ZDHHC15: variants seen among roughly 807,000 people sequenced by gnomAD.
ZDHHC15 encodes zDHHC palmitoyltransferase 15, also known as palmitoyltransferase ZDHHC15.
A neutral mutation model predicts 31.7 loss-of-function variants in ZDHHC15; 19 were observed. The observed-to-expected ratio is 0.60, with a 90% confidence interval of 0.42 to 0.88. The LOEUF (loss-of-function observed/expected upper bound fraction) is 0.88, where lower values mean the gene tolerates loss of function less well. Among genes scored for constraint, ZDHHC15 ranks in the 40% least tolerant of loss-of-function variants. ZDHHC15 has a pLI of 0.00. For missense variants in ZDHHC15, 209 were observed against 251.2 expected, an observed-to-expected ratio of 0.83 and a Z score of 1.14; for synonymous variants, 103 against 90.0, an observed-to-expected ratio of 1.14 and a Z score of -0.82.
Position 75,421,970 on chromosome X carries a change from A to T in ZDHHC15, c.757T>A (p.Phe253Ile). The change falls in exon 9 of 12, where the codon TTT (phenylalanine) becomes ATT (isoleucine). Residue 253 changes from phenylalanine to isoleucine, a missense_variant. Phe to Ile is a conservative substitution (Grantham distance 21). Transcript: ENST00000373367. ...TTLEAFCTPVFTSGPEKNGFN... is the reference protein window; with the variant it reads ...TTLEAFCTPVITSGPEKNGFN... ...CCATTTTTCTCTGGGCCACTTGTAAACACTGGAGTGCAGAAGGCCTCTAAG... is the reference window on the plus strand; with the variant it reads ...CCATTTTTCTCTGGGCCACTTGTAATCACTGGAGTGCAGAAGGCCTCTAAG... 1 of 1,209,468 alleles carries T rather than the reference A, an allele frequency of 8.3e-7. No homozygotes were observed. The highest frequency in any genetic ancestry group is 1.1e-6 in the Non-Finnish European group (1 of 894,336).
intron 4 of ZDHHC15, 77 bp downstream of exon 4, chrX:75,450,725 G>T (rs1439715656): frequency 8.3e-7 from 1 of 1,208,032 alleles, no homozygotes. Context: ...AAAAGGGCTA[G>T]TTTGAGAACA....
chrX:75,511,540 T>A (rs1251669129), intron 1 of ZDHHC15, among the ~76,000 whole-genome samples: 3 of 80,143 alleles, frequency 3.7e-5, no homozygotes, highest in African/African-American at 1.4e-4. Flanking sequence ...CTGTTCACTC[T>A]GATGGTAGTT....
At chrX:75,517,333 A>C (rs1219504661) in intron 1 of ZDHHC15, among the ~76,000 whole-genome samples, 5 of 110,950 alleles carry the variant, frequency 4.5e-5, no homozygotes, top group African/African-American at 1.6e-4. Flanking sequence ...ACTTGGAACC[A>C]ACCCAAATGC....
chrX:75,451,008 A>C, intron 3 of ZDHHC15, 86 bp from the exon 4 acceptor site: 1 of 1,053,911 alleles, frequency 9.5e-7, no homozygotes, highest in Non-Finnish European at 1.3e-6. Context: ...CTTTAATGAA[A>C]TTATTTGTTA....
At chrX:75,374,252 G>T (rs1475346739) in intron 11 of ZDHHC15, among the ~76,000 whole-genome samples, 1 of 109,175 alleles carries the variant, frequency 9.2e-6, no homozygotes, top group Non-Finnish European at 1.9e-5. Flanking sequence ...GCTAGGTTTG[G>T]GATAGCATTA....
chrX:75,369,542 A>T lies in ZDHHC15; in HGVS notation c.*3436T>A, dbSNP rs2082987640. The T allele has an allele frequency of 1.8e-5, 2 of 111,768 alleles. No individual in the cohort carries two copies. The highest frequency in any genetic ancestry group is 3.8e-5 in the Non-Finnish European group (2 of 53,200). The allele number at this position is 111,768 out of a possible 1,213,427, so 9.2% of individuals were successfully genotyped here. ...AATCTCCATTAACCTCAATGTCTAT[A>T]CTTTGTGCAATTTGGTATAAACATG... On this transcript the variant is annotated 3_prime_UTR_variant, in exon 12 of 12. Transcript: ENST00000373367.
chrX:75,436,862 T>C (rs893748161), intron 4 of ZDHHC15, among the ~76,000 whole-genome samples: 2 of 112,751 alleles, frequency 1.8e-5, no homozygotes, highest in Non-Finnish European at 3.8e-5. Flanking sequence ...GTTTGTTTTA[T>C]TTTTTGTTTA....
Position 75,409,795 on chromosome X carries a change from T to TA in ZDHHC15, c.967+7291dup, listed in dbSNP as rs1189768393. On this transcript the variant is annotated intron_variant, in intron 10 of 11. Coordinates refer to ENST00000373367, the MANE Select transcript of ZDHHC15 (RefSeq NM_144969.3). ...GGGCAACAGAATGAGACCCCATCTC[T>TA]AAAAAAAAAAAAAAAAAAAAAAAAA... Among the ~76,000 whole-genome samples, 93 of 35,509 alleles carry TA rather than the reference T, an allele frequency of 2.6e-3. 2 individuals are homozygous for TA. Among genetic ancestry groups the TA allele is most frequent in the African/African-American group, 9.3e-3 (59 of 6,368 alleles). 30.8% of individuals were successfully genotyped at this position (35,509 alleles called of 115,157 possible).
At chrX:75,520,424 G>A (rs2085426181) in intron 1 of ZDHHC15, among the ~76,000 whole-genome samples, 1 of 111,715 alleles carries the variant, frequency 9.0e-6, no homozygotes, top group African/African-American at 3.3e-5. Flanking sequence ...ATGATTAAAT[G>A]AATTAATATA....
At chrX:75,387,132 T>C (rs1327724536) in intron 10 of ZDHHC15, among the ~76,000 whole-genome samples, 2 of 111,407 alleles carry the variant, frequency 1.8e-5, no homozygotes, top group Non-Finnish European at 3.8e-5. Context: ...GACAGTGACC[T>C]AGTGAGGAAA....
chrX:75,442,855 G>A (rs1443033576), intron 4 of ZDHHC15, among the ~76,000 whole-genome samples: 32 of 107,792 alleles, frequency 3.0e-4, no homozygotes, highest in South Asian at 1.7e-3. Context: ...GCACGGTGGC[G>A]GGCGCCTGTA....
intron 4 of ZDHHC15, among the ~76,000 whole-genome samples, chrX:75,439,227 G>A (rs894681960): frequency 3.6e-5 from 4 of 111,222 alleles, no homozygotes; most frequent in Non-Finnish European, 3.8e-5. Flanking sequence ...CATTTTCCTC[G>A]GTTTTTCCCC....
At chrX:75,462,569 G>T (rs1181481414) in intron 3 of ZDHHC15, among the ~76,000 whole-genome samples, 1 of 111,656 alleles carries the variant, frequency 9.0e-6, no homozygotes, top group Non-Finnish European at 1.9e-5. Flanking sequence ...AATCATAACA[G>T]TCTCTCAGAC....
At chrX:75,381,324 T>C (rs1014596835) in intron 10 of ZDHHC15, among the ~76,000 whole-genome samples, 1 of 111,726 alleles carries the variant, frequency 9.0e-6, no homozygotes, top group Non-Finnish European at 1.9e-5. Flanking sequence ...CTCTCCTTAT[T>C]GATTCTTCTT....
At chrX:75,407,504 G>C (rs1311392033) in intron 10 of ZDHHC15, among the ~76,000 whole-genome samples, 2 of 108,504 alleles carry the variant, frequency 1.8e-5, no homozygotes. Context: ...GGAGGGAGGT[G>C]GGGGGCAGCC....
chrX:75,385,952 T>G (rs1426509276), intron 10 of ZDHHC15, among the ~76,000 whole-genome samples: 1 of 112,083 alleles, frequency 8.9e-6, no homozygotes, highest in Non-Finnish European at 1.9e-5. Context: ...ACCCTTGAGC[T>G]GAGACAATAT....
chrX:75,494,518 C>T (rs2084956530), intron 2 of ZDHHC15, among the ~76,000 whole-genome samples: 1 of 111,686 alleles, frequency 9.0e-6, no homozygotes, highest in South Asian at 3.7e-4. Context: ...CATCATGCTA[C>T]CTGACTTCAA....
chrX:75,489,693 T>G (rs994460077), intron 2 of ZDHHC15, among the ~76,000 whole-genome samples: 4 of 112,155 alleles, frequency 3.6e-5, no homozygotes, highest in Admixed American at 9.5e-5. Context: ...CCTCTCCTCC[T>G]CCAAAGGAAT....
At chrX:75,519,856 C>T (rs1417338228) in intron 1 of ZDHHC15, among the ~76,000 whole-genome samples, 1 of 111,895 alleles carries the variant, frequency 8.9e-6, no homozygotes, top group Non-Finnish European at 1.9e-5. Context: ...GGGACTGGTT[C>T]AGCCAGAGTT....
Sources: allele counts gnomAD v4.1 joint callset (sites outside exome capture counted in the v4.1 genomes callset), GRCh38; gene constraint gnomAD v4.1.1; transcripts MANE v1.5; gene names NCBI Gene and HGNC (gene_info 2026-07-23, HGNC 2026-07-21).